The following SIRPA variants were observed in gnomAD, a reference collection of about 807,000 sequenced individuals.
The protein encoded by SIRPA is tyrosine-protein phosphatase non-receptor type substrate 1.
In SIRPA, 9 loss-of-function variants were observed where a neutral mutation model predicts 50.3. That is an observed-to-expected ratio of 0.18 (90% confidence interval 0.11 to 0.31). The LOEUF is 0.31. Ranked by LOEUF, SIRPA falls within the 10% of genes least tolerant of loss-of-function variation. SIRPA has a pLI of 1.00. For synonymous variants in SIRPA, 265 were observed against 284.1 expected (o/e 0.93, Z 0.68); for missense variants, 474 against 661.6 (o/e 0.72, Z 3.11).
intron 2 of SIRPA, among the ~76,000 whole-genome samples, chr20:1,919,239 C>T (rs1003743326): frequency 1.3e-5 from 2 of 152,236 alleles, no homozygotes; most frequent in African/African-American, 4.8e-5. Flanking sequence ...CAGGCTCCAC[C>T]ACAGAAATGC....
rs182228391 is a variant in SIRPA at position 1,906,472 on chromosome 20, C to T, written c.80-8627C>T. On this transcript the variant is annotated intron_variant, in intron 1 of 7. Coordinates refer to ENST00000358771, the MANE Select transcript of SIRPA (RefSeq NM_001040023.2). ...TTTAGACAGAATGGCCAAGGAAGGC[C>T]TCTCAGATAGGCCTGAAGGAGAGGA... Among the ~76,000 whole-genome samples, 18 of 152,232 alleles carry T rather than the reference C, an allele frequency of 1.2e-4. No individual in the cohort carries two copies. The East Asian group carries it at 3.3e-3, about 28-fold the overall frequency.
chr20:1,920,081 T>C (rs1326703346), intron 2 of SIRPA, among the ~76,000 whole-genome samples: 4 of 152,222 alleles, frequency 2.6e-5, no homozygotes, highest in African/African-American at 9.6e-5. Flanking sequence ...TATCCACTTT[T>C]GGCCCTGGGC....
chr20:1,897,127 C>T (rs753458411), intron 1 of SIRPA, among the ~76,000 whole-genome samples: 2 of 152,162 alleles, frequency 1.3e-5, no homozygotes, highest in Non-Finnish European at 2.9e-5. Flanking sequence ...CGATGGGCAG[C>T]CTGCCTTTCC....
Position 1,928,957 on chromosome 20 carries a change from T to C in SIRPA, c.1226+1058T>C, listed in dbSNP as rs1986149891. ...CACCATCATCTGCCATGTGAACCCA[T>C]CTGCATAGAACCATGTGGACATCCG... On this transcript the variant is annotated intron_variant, in intron 6 of 7. Coordinates refer to ENST00000358771, the MANE Select transcript of SIRPA (RefSeq NM_001040023.2). The surrounding 1 kb of genome is among the most constrained non-coding windows in gnomAD (Gnocchi z 4.9). Among the ~76,000 whole-genome samples, 1 of 152,158 alleles carries C rather than the reference T, an allele frequency of 6.6e-6. No individual in the cohort carries two copies.
At position 1,898,838 on chromosome 20, in the gene SIRPA, C is replaced by T. The variant is rs1340180004; in HGVS notation, c.79+3312C>T. On this transcript the variant is annotated intron_variant, in intron 1 of 7. Coordinates refer to ENST00000358771, the MANE Select transcript of SIRPA (RefSeq NM_001040023.2). This position sits in a 1 kb window ranked among gnomAD's most constrained non-coding sequence, Gnocchi z 4.3. The stretch of plus-strand genomic sequence containing the variant: ...GAAATACTGACAGCCCCTTGGTCCT[C>T]ACCAGTAACAACACATGAGAGGTGA... Among the ~76,000 whole-genome samples, 1 of 152,094 alleles carries T rather than the reference C, an allele frequency of 6.6e-6. No homozygotes were observed. Among genetic ancestry groups the T allele is most frequent in the East Asian group, 1.9e-4 (1 of 5,154 alleles).
chr20:1,921,457 A>T lies in SIRPA; in HGVS notation c.499A>T (p.Ser167Cys). ...GAGGGCCACACCTCAGCACACAGTGAGCTTCACCTGCGAGTCCCACGGCTT... is the reference window on the plus strand; with the variant it reads ...GAGGGCCACACCTCAGCACACAGTGTGCTTCACCTGCGAGTCCCACGGCTT... ...AARATPQHTV[S>C]FTCESHGFSP... The change falls in exon 3 of 8, where the codon AGC becomes TGC. Residue 167 changes from serine to cysteine, a missense_variant. Physicochemically the swap from Ser to Cys is moderately radical, Grantham distance 112. Around this residue, in one of 4 missense-constraint regions of SIRPA, gnomAD observed 221 missense variants for 359.9 expected, o/e 0.61. Coordinates refer to ENST00000358771, the MANE Select transcript of SIRPA (RefSeq NM_001040023.2). The T allele has an allele frequency of 6.2e-7, 1 of 1,613,790 alleles. No homozygotes were observed. Among genetic ancestry groups the T allele is most frequent in the African/African-American group, 1.3e-5 (1 of 74,968 alleles).
In SIRPA at chr20:1,938,671, T is replaced by C. The variant is rs1171206311; in HGVS notation, c.*1103T>C. On this transcript the variant is annotated 3_prime_UTR_variant, in exon 8 of 8. Coordinates refer to ENST00000358771, the MANE Select transcript of SIRPA (RefSeq NM_001040023.2). Reference sequence around the variant, plus strand: ...GGACTGACTTGGCCATGTTCTCAGCTGAGCCACGCGGCTGGTAGTGCAGCC... The same window carrying C: ...GGACTGACTTGGCCATGTTCTCAGCCGAGCCACGCGGCTGGTAGTGCAGCC... The C allele has an allele frequency of 6.5e-6, 1 of 152,734 alleles. No individual in the cohort carries two copies. Among genetic ancestry groups the C allele is most frequent in the Non-Finnish European group, 1.5e-5 (1 of 68,090 alleles). The allele number at this position is 152,734 out of a possible 1,614,324, so 9.5% of individuals were successfully genotyped here.
At position 1,932,939 on chromosome 20, in the gene SIRPA, T is replaced by C. The variant is rs372626526; in HGVS notation, c.1227-1776T>C. Among the ~76,000 whole-genome samples, 1 of 152,202 alleles carries C rather than the reference T, an allele frequency of 6.6e-6. No homozygotes were observed. Among genetic ancestry groups the C allele is most frequent in the African/African-American group, 2.4e-5 (1 of 41,444 alleles). ...ACACAGATATGGGGAAAATGATAAT[T>C]GGTTATTGTCTGAAATTGCTTTGAA... is the stretch of plus-strand genomic sequence containing the variant. On this transcript the variant is annotated intron_variant, in intron 6 of 7. Coordinates refer to ENST00000358771, the MANE Select transcript of SIRPA (RefSeq NM_001040023.2). This position sits in a 1 kb window ranked among gnomAD's most constrained non-coding sequence, Gnocchi z 6.0.
intron 6 of SIRPA, among the ~76,000 whole-genome samples, chr20:1,930,442 CGAAT>C (rs1483133698): frequency 6.6e-6 from 1 of 152,208 alleles, no homozygotes; most frequent in Non-Finnish European, 1.5e-5. Context: ...AGTGAACAAA[CGAAT>C]GAATGAATGG....
Position 1,915,239 on chromosome 20 carries a change from C to G in SIRPA, c.220C>G (p.Pro74Ala), listed in dbSNP as rs539268857. The part of the protein sequence containing the change: ...GPIQWFRGAG[P>A]GRELIYNQKE... Reference sequence around the variant, plus strand: ...CATCCAGTGGTTCAGAGGAGCTGGACCAGGCCGGGAATTAATCTACAATCA... The same window carrying G: ...CATCCAGTGGTTCAGAGGAGCTGGAGCAGGCCGGGAATTAATCTACAATCA... The change falls in exon 2 of 8, where the codon CCA becomes GCA. Residue 74 changes from proline (P) to alanine (A), a missense_variant. By Grantham distance (27) the Pro-to-Ala change is conservative. Around this residue, in one of 4 missense-constraint regions of SIRPA, gnomAD observed 221 missense variants for 359.9 expected, o/e 0.61. Transcript: ENST00000358771. 8 of 1,611,398 alleles carry G rather than the reference C, an allele frequency of 5.0e-6. No homozygotes were observed. The African/African-American group carries it at 6.7e-5, about 14-fold the overall frequency.
chr20:1,919,620 C>G (rs939585308), intron 2 of SIRPA, among the ~76,000 whole-genome samples: 3 of 152,076 alleles, frequency 2.0e-5, no homozygotes, highest in African/African-American at 4.8e-5. Context: ...GGAATCCCAG[C>G]AAATCCTTCC....
intron 3 of SIRPA, 137 bp downstream of exon 3, chr20:1,921,849 T>C: frequency 1.4e-6 from 1 of 702,968 alleles, no homozygotes; most frequent in Non-Finnish European, 2.4e-6. Flanking sequence ...CCACCTCCCA[T>C]GCCCCTAGAT....
intron 5 of SIRPA, 124 bp downstream of exon 5, chr20:1,925,001 T>A: frequency 6.6e-6 from 5 of 754,458 alleles, no homozygotes; most frequent in Non-Finnish European, 6.9e-6. Context: ...CCAGAGGTAG[T>A]GGTGCTAGGG....
chr20:1,904,786 C>T (rs1984448918), intron 1 of SIRPA, among the ~76,000 whole-genome samples: 2 of 152,192 alleles, frequency 1.3e-5, no homozygotes, highest in Admixed American at 1.3e-4. Context: ...GGCTCGGCTC[C>T]TCTCTTGCAG....
intron 1 of SIRPA, among the ~76,000 whole-genome samples, chr20:1,908,670 G>C (rs191934521): frequency 6.6e-6 from 1 of 151,998 alleles, no homozygotes; most frequent in African/African-American, 2.4e-5. Context: ...GTGTGTTCTC[G>C]TGTGCATACT....
chr20:1,937,168 G>T lies in SIRPA; in HGVS notation c.1267-152G>T, dbSNP rs773063434. ...GGCAAGGCTGGAGGCAAGTAACGTTGGCAAGAGATGAGGGGAACATGACTT... is the reference window on the plus strand; with the variant it reads ...GGCAAGGCTGGAGGCAAGTAACGTTTGCAAGAGATGAGGGGAACATGACTT... On this transcript the variant is annotated intron_variant, in intron 7 of 7. Transcript: ENST00000358771. This position sits in a 1 kb window ranked among gnomAD's most constrained non-coding sequence, Gnocchi z 8.3. 6.6e-6 allele frequency: 6 copies of T among 903,044 alleles called. No homozygotes were observed. The highest frequency in any genetic ancestry group is 5.0e-5 in the African/African-American group (3 of 59,936). 55.9% of individuals were successfully genotyped at this position (903,044 alleles called of 1,614,324 possible).
At chr20:1,895,259 C>T, upstream of SIRPA, 2 of 385,400 alleles carry the variant, frequency 5.2e-6, no homozygotes, top group Non-Finnish European at 8.6e-6. Flanking sequence ...TCCTGGGGGG[C>T]GGGGAGGGGG....
intron 1 of SIRPA, among the ~76,000 whole-genome samples, chr20:1,910,806 A>G (rs1279219154): frequency 1.3e-5 from 2 of 152,274 alleles, no homozygotes; most frequent in Admixed American, 1.3e-4. Flanking sequence ...GTTTAGATTC[A>G]TGATCCAAAG....
chr20:1,921,751 G>T lies in SIRPA; in HGVS notation c.754+39G>T. 3 of 1,612,862 alleles carry T rather than the reference G, an allele frequency of 1.9e-6. No homozygotes were observed. The East Asian group carries it at 6.7e-5, about 36-fold the overall frequency. ...ACCCAGCCCAAGCCCACACCTGACC[G>T]CCAAGCCCACCCCCCACCACCCTCC... On this transcript the variant is annotated intron_variant, in intron 3 of 7. Coordinates refer to ENST00000358771, the MANE Select transcript of SIRPA (RefSeq NM_001040023.2).
Sources: gnomAD v4.1 joint callset for allele counts (sites outside exome capture counted in the v4.1 genomes callset) on GRCh38, gnomAD v4.1.1 for gene constraint, gnomAD v4.1.1 regional missense constraint, Gnocchi (gnomAD v3.1) non-coding constraint, MANE v1.5 for transcripts, NCBI Gene and HGNC (gene_info 2026-07-23, HGNC 2026-07-21) for gene names.